MSTO1: variants seen among roughly 807,000 people sequenced by gnomAD.
The protein encoded by MSTO1 is protein misato homolog 1.
A neutral mutation model predicts 55.7 loss-of-function variants in MSTO1; 24 were observed. That is an observed-to-expected ratio of 0.43 (90% CI 0.31 to 0.61). The LOEUF is 0.61. Among genes scored for constraint, MSTO1 ranks in the 20% least tolerant of loss-of-function variants. The pLI is 0.09. For missense variants in MSTO1, 363 were observed against 625.7 expected (o/e 0.58, Z 4.48); for synonymous variants, 162 against 252.8 (o/e 0.64, Z 3.41).
chr1:155,591,968 A>T, the MSTO1 span, among the ~76,000 whole-genome samples: 1 of 152,154 alleles, frequency 6.6e-6, no homozygotes, highest in African/African-American at 2.4e-5. Flanking sequence ...CAAAAATTTC[A>T]TCACATTACT....
At position 155,614,919 on chromosome 1, in the gene MSTO1, C is replaced by A; in HGVS notation, c.*646C>A. ...TCACTGATCCTTAGTAACATGTTAA[C>A]ATTTATGAAGCACTATATATTGATT... On this transcript the variant is annotated 3_prime_UTR_variant, in exon 14 of 14. Coordinates refer to ENST00000245564, the MANE Select transcript of MSTO1 (RefSeq NM_018116.4). 7.6e-7 allele frequency: 1 copy of A among 1,318,270 alleles called. No individual in the cohort carries two copies. The highest frequency in any genetic ancestry group is 1.1e-6 in the Non-Finnish European group (1 of 933,710). 81.7% of individuals were successfully genotyped at this position (1,318,270 alleles called of 1,614,324 possible).
upstream of MSTO1, among the ~76,000 whole-genome samples, chr1:155,606,748 T>C (rs1364035964): frequency 3.3e-5 from 5 of 151,848 alleles, no homozygotes; most frequent in African/African-American, 2.4e-5. Context: ...TTTGACCTCC[T>C]GGGCTCAAGT....
At position 155,613,012 on chromosome 1, in the gene MSTO1, A is replaced by G. The variant is rs776992637; in HGVS notation, c.1098+37A>G. 7 of 1,613,934 alleles carry G rather than the reference A, an allele frequency of 4.3e-6. No individual in the cohort carries two copies. The South Asian group carries it at 7.7e-5, about 18-fold the overall frequency. On this transcript the variant is annotated intron_variant, in intron 10 of 13. Transcript: ENST00000245564. The stretch of plus-strand genomic sequence containing the variant: ...TGTAAGGGGTTGGGTCAGTGCTGAG[A>G]AAATGTCCTATAACGTGTTCTCTTC...
chr1:155,599,275 T>C, the MSTO1 span, among the ~76,000 whole-genome samples: 1 of 152,236 alleles, frequency 6.6e-6, no homozygotes, highest in African/African-American at 2.4e-5. Context: ...CCAAGCAGGT[T>C]ACAAGGTGAA....
At chr1:155,571,470 G>C in the MSTO1 span, among the ~76,000 whole-genome samples, 1 of 152,148 alleles carries the variant, frequency 6.6e-6, no homozygotes, top group Non-Finnish European at 1.5e-5. Context: ...GCTGAAGGGA[G>C]AGGATCACTT....
At chr1:155,587,971 C>G in the MSTO1 span, among the ~76,000 whole-genome samples, 2 of 151,720 alleles carry the variant, frequency 1.3e-5, no homozygotes, top group Admixed American at 1.3e-4. Flanking sequence ...TTTGGGAGGC[C>G]GAGGTGGGTG....
the MSTO1 span, among the ~76,000 whole-genome samples, chr1:155,585,502 G>A: frequency 7.2e-6 from 1 of 139,278 alleles, no homozygotes; most frequent in Admixed American, 7.8e-5. Context: ...CAGCCTGGGT[G>A]ACAGAGCGAG....
chr1:155,609,947 C>T, upstream of MSTO1: 3 of 444,948 alleles, frequency 6.7e-6, no homozygotes, highest in South Asian at 8.2e-5. Context: ...TTCCACGGCC[C>T]GCGCCCTGGC....
chr1:155,574,118 G>A, the MSTO1 span, among the ~76,000 whole-genome samples: 2 of 152,040 alleles, frequency 1.3e-5, no homozygotes, highest in Non-Finnish European at 1.5e-5. Flanking sequence ...GCACTTTTAG[G>A]AGGCAGAGGC....
the MSTO1 span, among the ~76,000 whole-genome samples, chr1:155,570,012 G>A: frequency 2.0e-5 from 3 of 152,082 alleles, no homozygotes; most frequent in Non-Finnish European, 4.4e-5. Context: ...TGGAACGTTA[G>A]TACCCAGAAA....
chr1:155,580,129 C>G, the MSTO1 span, among the ~76,000 whole-genome samples: 3 of 150,916 alleles, frequency 2.0e-5, no homozygotes, highest in Non-Finnish European at 4.4e-5. Flanking sequence ...TATAGTGGCT[C>G]GCACATGTAA....
chr1:155,599,943 T>A, the MSTO1 span, among the ~76,000 whole-genome samples: 3 of 152,198 alleles, frequency 2.0e-5, no homozygotes, highest in Non-Finnish European at 2.9e-5. Context: ...TTTCCCTATC[T>A]CAGTAGATGG....
At chr1:155,578,342 T>TA in the MSTO1 span, among the ~76,000 whole-genome samples, 7 of 91,906 alleles carry the variant, frequency 7.6e-5, no homozygotes, top group African/African-American at 2.8e-4. Flanking sequence ...CTTTCTTTTT[T>TA]TTTTTTTTTT....
At position 155,611,506 on chromosome 1, in the gene MSTO1, A is replaced by G. The variant is rs561796102; in HGVS notation, c.367-43A>G. The stretch of plus-strand genomic sequence containing the variant: ...GGAGGACGAAGCAACCTTTGCCTCT[A>G]AACTGCCTGGAACTAAATGTCGATT... On this transcript the variant is annotated intron_variant, in intron 4 of 13. Transcript: ENST00000245564. 11 of 1,612,760 alleles carry G rather than the reference A, an allele frequency of 6.8e-6. No individual in the cohort carries two copies. In the East Asian group the frequency reaches 8.9e-5, roughly 13 times the overall value.
intron 11 of MSTO1, 50 bp from the exon 12 acceptor site, chr1:155,613,412 C>G (rs1558270497): frequency 1.2e-6 from 2 of 1,610,136 alleles, no homozygotes; most frequent in Non-Finnish European, 1.7e-6. Context: ...AATTCTGTTT[C>G]TTATTCATGC....
chr1:155,600,805 T>C, the MSTO1 span, among the ~76,000 whole-genome samples: 4 of 152,040 alleles, frequency 2.6e-5, no homozygotes, highest in Non-Finnish European at 5.9e-5. Context: ...GCCTCCCAAG[T>C]AGCTGGGACT....
the MSTO1 span, among the ~76,000 whole-genome samples, chr1:155,591,942 CA>C: frequency 1.5e-4 from 22 of 150,758 alleles, no homozygotes; most frequent in African/African-American, 1.2e-4. Context: ...CACCCTATGT[CA>C]AAAAAAAAGT....
At chr1:155,591,370 C>T in the MSTO1 span, 2 of 853,224 alleles carry the variant, frequency 2.3e-6, no homozygotes, top group South Asian at 3.5e-5. Flanking sequence ...CCCACAAATG[C>T]TGTTTCAGAA....
chr1:155,567,017 C>G, the MSTO1 span, among the ~76,000 whole-genome samples: 3 of 152,120 alleles, frequency 2.0e-5, no homozygotes, highest in African/African-American at 7.2e-5. Context: ...GTAGCCGGGA[C>G]TACTGTTGGG....
Sources: gnomAD v4.1 joint callset for allele counts (sites outside exome capture counted in the v4.1 genomes callset) on GRCh38, gnomAD v4.1.1 for gene constraint, MANE v1.5 for transcripts, NCBI Gene and HGNC (gene_info 2026-07-23, HGNC 2026-07-21) for gene names.